The following BBOX1 variants were observed in gnomAD, a reference collection of about 807,000 sequenced individuals.
The protein encoded by BBOX1 is gamma-butyrobetaine hydroxylase 1.
A neutral mutation model predicts 41.6 loss-of-function variants in BBOX1; 35 were observed. The ratio of observed to expected loss-of-function variants is 0.84; its 90% CI spans 0.64 to 1.11. The LOEUF (loss-of-function observed/expected upper bound fraction) is 1.11. Ranked by LOEUF, BBOX1 falls within the 50% of genes most tolerant of loss-of-function variation. The pLI, the probability that BBOX1 is intolerant of heterozygous loss-of-function variation, is 0.00. For synonymous variants in BBOX1, 163 were observed against 154.7 expected, an observed-to-expected ratio of 1.05 and a Z score of -0.40; for missense variants, 458 against 460.6, an observed-to-expected ratio of 0.99 and a Z score of 0.05.
At chr11:27,045,219 G>T (rs1259728413) in intron 2 of BBOX1, among the ~76,000 whole-genome samples, 7 of 151,954 alleles carry the variant, frequency 4.6e-5, no homozygotes. Flanking sequence ...TCATGATTTG[G>T]CTCTCTGTTT....
chr11:27,079,284 G>A (rs771358130), intron 4 of BBOX1, among the ~76,000 whole-genome samples: 3 of 152,148 alleles, frequency 2.0e-5, no homozygotes, highest in Admixed American at 2.0e-4. Context: ...GTGAAGACTG[G>A]TCAATTATGA....
chr11:27,066,844 C>G (rs1857301791), intron 4 of BBOX1, among the ~76,000 whole-genome samples: 3 of 151,162 alleles, frequency 2.0e-5, no homozygotes, highest in African/African-American at 7.4e-5. Context: ...AAGTTCTACT[C>G]TATCCAAAAA....
At chr11:27,056,511 C>T (rs1205953318) in intron 3 of BBOX1, among the ~76,000 whole-genome samples, 1 of 152,046 alleles carries the variant, frequency 6.6e-6, no homozygotes, top group African/African-American at 2.4e-5. Context: ...CTGCCTCGGC[C>T]TCCCAAAGTG....
chr11:27,119,985 A>G, intron 7 of BBOX1, 140 bp downstream of exon 7: 1 of 522,722 alleles, frequency 1.9e-6, no homozygotes, highest in Non-Finnish European at 3.1e-6. Flanking sequence ...TTTTAGAGTG[A>G]TAGTATTTTC....
intron 5 of BBOX1, among the ~76,000 whole-genome samples, chr11:27,101,517 T>C (rs1171741769): frequency 1.3e-5 from 2 of 152,120 alleles, no homozygotes; most frequent in Non-Finnish European, 2.9e-5. Context: ...TGCAATGTAC[T>C]ACATTATTTG....
intron 4 of BBOX1, among the ~76,000 whole-genome samples, chr11:27,091,573 G>T (rs1415122043): frequency 1.3e-5 from 2 of 151,892 alleles, no homozygotes; most frequent in African/African-American, 4.8e-5. Flanking sequence ...GTTTCTCTTT[G>T]CCAAAGTGAC....
intron 4 of BBOX1, among the ~76,000 whole-genome samples, chr11:27,076,932 A>G (rs1188097362): frequency 6.6e-6 from 1 of 152,082 alleles, no homozygotes; most frequent in Non-Finnish European, 1.5e-5. Context: ...CTCCACTAGC[A>G]GCAGCTAGCT....
intron 5 of BBOX1, among the ~76,000 whole-genome samples, chr11:27,101,801 A>AT (rs1858671387): frequency 6.6e-6 from 1 of 152,186 alleles, no homozygotes; most frequent in Admixed American, 6.5e-5. Flanking sequence ...AATCAAGCTT[A>AT]TTAACATATC....
At chr11:27,085,564 TC>T in intron 4 of BBOX1, among the ~76,000 whole-genome samples, 1 of 148,842 alleles carries the variant, frequency 6.7e-6, no homozygotes, top group African/African-American at 2.5e-5. Context: ...CATCTCTCTC[TC>T]TCTCTCTCTC....
intron 2 of BBOX1, among the ~76,000 whole-genome samples, chr11:27,053,634 C>A (rs1856882646): frequency 6.6e-6 from 1 of 151,978 alleles, no homozygotes; most frequent in South Asian, 2.1e-4. Context: ...TCTTTTGAAA[C>A]AATGTATGTG....
At chr11:27,115,381 AAATTCATTCT>A (rs1157766866) in intron 5 of BBOX1, 61 bp from the exon 6 acceptor site, 3 of 1,247,204 alleles carry the variant, frequency 2.4e-6, no homozygotes, top group African/African-American at 1.6e-5. Flanking sequence ...CCCACATATC[AAATTCATTCT>A]AATGCATTTC....
chr11:27,111,837 T>C (rs1859075506), intron 5 of BBOX1, among the ~76,000 whole-genome samples: 1 of 151,950 alleles, frequency 6.6e-6, no homozygotes. Flanking sequence ...TGAGGGGAAG[T>C]GGCTCCCTTT....
Position 27,091,818 on chromosome 11 carries a change from TA to T in BBOX1, c.335-1344del, listed in dbSNP as rs138867845. Among the ~76,000 whole-genome samples the T allele has an allele frequency of 5.5e-3, 834 of 152,086 alleles. 10 individuals are homozygous for T. The highest frequency in any genetic ancestry group is 0.019 in the African/African-American group (797 of 41,508). ...TCAGTACTAACGAATATTAGCATAGTAAAAAATAATTAATGCAGCTCTAGGG... is the reference window on the plus strand; with the variant it reads ...TCAGTACTAACGAATATTAGCATAGTAAAAATAATTAATGCAGCTCTAGGG... On this transcript the variant is annotated intron_variant, in intron 4 of 8. Transcript: ENST00000263182.
chr11:27,101,940 A>G (rs1469852687), intron 5 of BBOX1, among the ~76,000 whole-genome samples: 2 of 152,120 alleles, frequency 1.3e-5, no homozygotes, highest in African/African-American at 2.4e-5. Flanking sequence ...GGTCTCCAGT[A>G]CTTATTCATA....
intron 8 of BBOX1, 43 bp from the exon 9 acceptor site, chr11:27,127,250 T>G (rs1218793477): frequency 6.3e-7 from 1 of 1,593,906 alleles, no homozygotes; most frequent in Non-Finnish European, 8.6e-7. Context: ...TGTAAGTCAT[T>G]TAAACACACA....
At chr11:27,078,804 G>A (rs1445364085) in intron 4 of BBOX1, among the ~76,000 whole-genome samples, 7 of 152,180 alleles carry the variant, frequency 4.6e-5, no homozygotes, top group African/African-American at 1.7e-4. Flanking sequence ...AGTCAGAAGA[G>A]CTGGTTTTGA....
At chr11:27,054,628 A>G (rs1856924106) in intron 2 of BBOX1, among the ~76,000 whole-genome samples, 1 of 152,186 alleles carries the variant, frequency 6.6e-6, no homozygotes. Context: ...AAAGTAAGTC[A>G]TGTAATCCCA....
intron 4 of BBOX1, among the ~76,000 whole-genome samples, chr11:27,060,292 T>C (rs558878578): frequency 6.6e-6 from 1 of 152,230 alleles, no homozygotes; most frequent in East Asian, 1.9e-4. Flanking sequence ...TCTCCTGCTT[T>C]TGCTATGTGA....
intron 4 of BBOX1, among the ~76,000 whole-genome samples, chr11:27,090,001 A>G (rs984399652): frequency 6.6e-6 from 1 of 152,040 alleles, no homozygotes; most frequent in African/African-American, 2.4e-5. Context: ...GGCAAAGCAA[A>G]CAATCACATA....
Sources: gnomAD v4.1 joint callset for allele counts (sites outside exome capture counted in the v4.1 genomes callset) on GRCh38, gnomAD v4.1.1 for gene constraint, MANE v1.5 for transcripts, NCBI Gene and HGNC (gene_info 2026-07-23, HGNC 2026-07-21) for gene names.